CSGALNACT1: variants seen among roughly 807,000 people sequenced by gnomAD.
CSGALNACT1 encodes the protein chondroitin sulfate N-acetylgalactosaminyltransferase 1.
In CSGALNACT1, 52 loss-of-function variants were observed where a neutral mutation model predicts 51.0. That is an observed-to-expected ratio of 1.02 (90% CI 0.82 to 1.29). The LOEUF (loss-of-function observed/expected upper bound fraction) is 1.29. Ranked by LOEUF, CSGALNACT1 falls within the 50% of genes most tolerant of loss-of-function variation. CSGALNACT1 has a pLI of 0.00. For missense variants in CSGALNACT1, 935 were observed against 679.2 expected, an observed-to-expected ratio of 1.38 and a Z score of -4.19; for synonymous variants, 341 against 254.4, an observed-to-expected ratio of 1.34 and a Z score of -3.24.
intron 1 of CSGALNACT1, among the ~76,000 whole-genome samples, chr8:19,653,033 C>G (rs139463982): frequency 6.6e-6 from 1 of 152,182 alleles, no homozygotes; most frequent in Non-Finnish European, 1.5e-5. Context: ...TAAGCATACA[C>G]TTGTAATGAA....
At chr8:19,698,491 G>A (rs2061692067) in intron 1 of CSGALNACT1, among the ~76,000 whole-genome samples, 1 of 152,178 alleles carries the variant, frequency 6.6e-6, no homozygotes, top group African/African-American at 2.4e-5. Context: ...ACATTGTACA[G>A]AAGAGGACAC....
At chr8:19,433,607 A>G (rs1210563347) in intron 6 of CSGALNACT1, among the ~76,000 whole-genome samples, 1 of 152,204 alleles carries the variant, frequency 6.6e-6, no homozygotes, top group African/African-American at 2.4e-5. Context: ...GCTCTGAGTC[A>G]GGTCAAATAA....
intron 1 of CSGALNACT1, among the ~76,000 whole-genome samples, chr8:19,644,757 C>A (rs2057105945): frequency 6.8e-6 from 1 of 147,118 alleles, no homozygotes. Flanking sequence ...AGCTAGTCAT[C>A]TCATCAAGCC....
chr8:19,683,241 A>C (rs1482976504), upstream of CSGALNACT1: 5 of 152,416 alleles, frequency 3.3e-5, no homozygotes, highest in African/African-American at 1.2e-4. Context: ...CCTTTACTCT[A>C]CTTTGCTCAA....
At chr8:19,629,641 T>G (rs2154168657) in intron 1 of CSGALNACT1, among the ~76,000 whole-genome samples, 1 of 152,350 alleles carries the variant, frequency 6.6e-6, no homozygotes, top group African/African-American at 2.4e-5. Context: ...ACTCCAGCCC[T>G]AATGGCATAA....
At chr8:19,674,599 A>G (rs2060035323) in intron 1 of CSGALNACT1, among the ~76,000 whole-genome samples, 1 of 152,208 alleles carries the variant, frequency 6.6e-6, no homozygotes, top group African/African-American at 2.4e-5. Context: ...AAGTCACTCC[A>G]GGACCCTGGC....
At chr8:19,574,927 C>T (rs563158082) in intron 3 of CSGALNACT1, among the ~76,000 whole-genome samples, 5 of 151,950 alleles carry the variant, frequency 3.3e-5, no homozygotes, top group African/African-American at 7.2e-5. Flanking sequence ...CTCAGCTACT[C>T]GGGAGGCTGA....
At chr8:19,470,115 G>C (rs1685810967) in intron 4 of CSGALNACT1, among the ~76,000 whole-genome samples, 1 of 152,182 alleles carries the variant, frequency 6.6e-6, no homozygotes, top group African/African-American at 2.4e-5. Context: ...GACGGAGTGA[G>C]AAGGTGAGAG....
chr8:19,471,717 A>T (rs141231442), intron 4 of CSGALNACT1, among the ~76,000 whole-genome samples: 96 of 152,314 alleles, frequency 6.3e-4, no homozygotes, highest in Non-Finnish European at 1.1e-3. Context: ...GTACAAGGAC[A>T]GGAAAGGGTG....
At chr8:19,520,140 G>T (rs375739529) in intron 3 of CSGALNACT1, among the ~76,000 whole-genome samples, 33 of 152,308 alleles carry the variant, frequency 2.2e-4, no homozygotes, top group African/African-American at 7.7e-4. Context: ...AAAGATATGA[G>T]CACACAAATG....
At chr8:19,562,793 G>A (rs1386213395) in intron 3 of CSGALNACT1, among the ~76,000 whole-genome samples, 1 of 152,168 alleles carries the variant, frequency 6.6e-6, no homozygotes, top group Non-Finnish European at 1.5e-5. Context: ...TACTGGCAAG[G>A]CTTTGGAGAA....
chr8:19,682,506 T>C, exon 1 of CSGALNACT1: 1 of 382,292 alleles, frequency 2.6e-6, no homozygotes, highest in Non-Finnish European at 5.3e-6. Context: ...ACACCTGTTG[T>C]CACCCCTGCC....
Position 19,418,637 on chromosome 8 carries a change from C to A in CSGALNACT1, c.1227+19G>T, listed in dbSNP as rs746891603. ...ACTAAACAGAGCCACACAGAGCCAT[C>A]TGCAGGGTAATTACTCACCAGCTGC... On this transcript the variant is annotated intron_variant, in intron 8 of 9. Transcript: ENST00000454498. The A allele has an allele frequency of 1.3e-6, 2 of 1,542,042 alleles. No individual in the cohort carries two copies. The highest frequency in any genetic ancestry group is 1.8e-6 in the Non-Finnish European group (2 of 1,114,466).
At chr8:19,651,597 G>GT (rs201138101) in intron 1 of CSGALNACT1, among the ~76,000 whole-genome samples, 110 of 151,720 alleles carry the variant, frequency 7.3e-4, no homozygotes, top group African/African-American at 2.2e-3. Context: ...ATAGGATTTT[G>GT]TTTTTTTTAT....
intron 4 of CSGALNACT1, among the ~76,000 whole-genome samples, chr8:19,481,934 CA>C (rs1470315887): frequency 6.6e-6 from 1 of 152,190 alleles, no homozygotes; most frequent in African/African-American, 2.4e-5. Context: ...TTAAGGGTTT[CA>C]AAATGCTGGC....
intron 1 of CSGALNACT1, among the ~76,000 whole-genome samples, chr8:19,731,299 G>C (rs1159339406): frequency 6.6e-6 from 1 of 152,066 alleles, no homozygotes; most frequent in Non-Finnish European, 1.5e-5. Flanking sequence ...CCTAAGGTCA[G>C]GAGTTCGAGG....
intron 1 of CSGALNACT1, among the ~76,000 whole-genome samples, chr8:19,745,706 C>T (rs1441907561): frequency 2.6e-5 from 4 of 152,076 alleles, no homozygotes; most frequent in African/African-American, 9.7e-5. Context: ...GCTCACCATC[C>T]CCAGGGAATA....
At chr8:19,443,293 T>C (rs1397996309) in intron 5 of CSGALNACT1, among the ~76,000 whole-genome samples, 1 of 152,246 alleles carries the variant, frequency 6.6e-6, no homozygotes. Flanking sequence ...TAAATGTATG[T>C]ATGTGTAGAT....
intron 1 of CSGALNACT1, among the ~76,000 whole-genome samples, chr8:19,738,204 C>T (rs911015298): frequency 6.6e-6 from 1 of 152,166 alleles, no homozygotes; most frequent in African/African-American, 2.4e-5. Flanking sequence ...TCCTGAGTGA[C>T]AGAGCAGGAT....
Sources: gnomAD v4.1 joint callset for allele counts (sites outside exome capture counted in the v4.1 genomes callset) on GRCh38, gnomAD v4.1.1 for gene constraint, MANE v1.5 for transcripts, NCBI Gene and HGNC (gene_info 2026-07-23, HGNC 2026-07-21) for gene names.